The following FAM107B variants were observed in gnomAD, a reference collection of about 807,000 sequenced individuals.
The protein encoded by FAM107B is protein FAM107B.
FAM107B carries 21 observed loss-of-function variants against 31.5 expected under a neutral mutation model. The ratio of observed to expected loss-of-function variants is 0.67; its 90% CI spans 0.47 to 0.96. The LOEUF (loss-of-function observed/expected upper bound fraction) is 0.96, where lower values mean the gene tolerates loss of function less well. Ranked by LOEUF, FAM107B falls within the 40% of genes least tolerant of loss-of-function variation. The probability of loss-of-function intolerance (pLI) is 0.00; values close to 1 mark genes in which losing one functional copy is unlikely to be tolerated. For synonymous variants in FAM107B, 157 were observed against 141.5 expected, an observed-to-expected ratio of 1.11 and a Z score of -0.78; for missense variants, 452 against 377.1, an observed-to-expected ratio of 1.20 and a Z score of -1.64.
intron 2 of FAM107B, among the ~76,000 whole-genome samples, chr10:14,596,674 C>A (rs1260323901): frequency 6.6e-6 from 1 of 152,172 alleles, no homozygotes; most frequent in Non-Finnish European, 1.5e-5. Flanking sequence ...TATGACACCT[C>A]CCATTCCATG....
chr10:14,645,634 A>T (rs1853733514), intron 2 of FAM107B, among the ~76,000 whole-genome samples: 1 of 152,220 alleles, frequency 6.6e-6, no homozygotes, highest in African/African-American at 2.4e-5. Context: ...GGGCTTGGCT[A>T]CTGAGACGTA....
intron 2 of FAM107B, among the ~76,000 whole-genome samples, chr10:14,648,821 C>T (rs1286181770): frequency 2.0e-5 from 3 of 152,146 alleles, no homozygotes; most frequent in Non-Finnish European, 4.4e-5. Context: ...TTCTTCATTC[C>T]ATAAATATTT....
chr10:14,605,226 A>G (rs1019620528), intron 2 of FAM107B, among the ~76,000 whole-genome samples: 3 of 152,220 alleles, frequency 2.0e-5, no homozygotes, highest in African/African-American at 7.2e-5. Flanking sequence ...TAAATATGCA[A>G]GAAAGAAAGG....
chr10:14,771,681 T>C lies in FAM107B; in HGVS notation c.411+2572A>G, dbSNP rs185965473. ...GACATCAACATATAAATACATGGAA[T>C]TAATTTATTCATTTTTGTAGAGATG... On this transcript the variant is annotated intron_variant, in intron 1 of 4. Transcript: ENST00000181796. Among the ~76,000 whole-genome samples, 150 of 152,272 alleles carry C rather than the reference T, an allele frequency of 9.9e-4. No individual in the cohort carries two copies. The Middle Eastern group carries it at 0.01, about 10-fold the overall frequency.
At chr10:14,595,396 C>G (rs905113784) in intron 2 of FAM107B, among the ~76,000 whole-genome samples, 6 of 146,272 alleles carry the variant, frequency 4.1e-5, no homozygotes, top group Admixed American at 1.4e-4. Context: ...GATCCTAATT[C>G]TGGCTCAGCT....
rs201053856 is a variant in FAM107B, at chr10:14,774,329, A to C, written c.335T>G (p.Leu112Arg). Residue 112 changes from leucine (L) to arginine (R), a missense_variant, in exon 1 of 5, where the codon CTG (leucine) becomes CGG (arginine). Transcript: ENST00000181796. ...TGCTTCACAGTCCGCCCCATCATCC[A>C]GGGACCCGGGCACATCTTCAGGCGT... ...AETPEDVPGS[L>R]DDGADCEAVV... 1 of 1,614,206 alleles carries C rather than the reference A, an allele frequency of 6.2e-7. No homozygotes were observed. Among genetic ancestry groups the C allele is most frequent in the Non-Finnish European group, 8.5e-7 (1 of 1,180,040 alleles).
intron 2 of FAM107B, among the ~76,000 whole-genome samples, chr10:14,616,219 T>C (rs988920375): frequency 1.3e-5 from 2 of 152,192 alleles, no homozygotes; most frequent in African/African-American, 4.8e-5. Flanking sequence ...AAGGGCATGT[T>C]GCATGTTTGT....
intron 1 of FAM107B, among the ~76,000 whole-genome samples, chr10:14,683,357 G>A (rs12248918): frequency 0.23 from 35,181 of 152,140 alleles, 4,531 homozygotes; most frequent in East Asian, 0.5. Flanking sequence ...GTTCCACACC[G>A]TTAGGGAAGG....
chr10:14,774,780 T>C lies in FAM107B; in HGVS notation c.-117A>G. The C allele has an allele frequency of 8.4e-7, 1 of 1,184,522 alleles. No individual in the cohort carries two copies. The highest frequency in any genetic ancestry group is 1.5e-5 in the African/African-American group (1 of 65,294). The allele number at this position is 1,184,522 out of a possible 1,614,324, so 73.4% of individuals were successfully genotyped here. A position where few individuals can be genotyped will look rare whatever the true frequency, so the allele number is the denominator to read the frequency against. On this transcript the variant is annotated 5_prime_UTR_variant, in exon 1 of 5. Coordinates refer to ENST00000181796, the MANE Select transcript of FAM107B (RefSeq NM_031453.4). ...CAATTGCCCGAAGAGAAGAACTTGC[T>C]AGTGGTTGCCCCTAAATAGAAGTTG... is the stretch of plus-strand genomic sequence containing the variant.
At chr10:14,687,942 A>G (rs1281524128) in intron 1 of FAM107B, among the ~76,000 whole-genome samples, 11 of 152,202 alleles carry the variant, frequency 7.2e-5, no homozygotes, top group Admixed American at 7.2e-4. Flanking sequence ...TGAAGGATGC[A>G]AAGTATTGAT....
At chr10:14,646,188 G>GT (rs1312069272) in intron 2 of FAM107B, among the ~76,000 whole-genome samples, 4 of 152,098 alleles carry the variant, frequency 2.6e-5, no homozygotes, top group South Asian at 2.1e-4. Context: ...TTAAAAAAAT[G>GT]TTTTTTTTAT....
chr10:14,537,016 T>C (rs12359615), intron 2 of FAM107B, among the ~76,000 whole-genome samples: 40,182 of 151,888 alleles, frequency 0.26, 5,915 homozygotes, highest in Middle Eastern at 0.33. Flanking sequence ...GAGTGACAAC[T>C]AAGGAGGGCA....
intron 3 of FAM107B, among the ~76,000 whole-genome samples, chr10:14,526,402 CTG>C (rs1846235231): frequency 6.6e-6 from 1 of 152,228 alleles, no homozygotes; most frequent in Non-Finnish European, 1.5e-5. Flanking sequence ...TCTCAAACTC[CTG>C]ACCTCAGGTG....
intron 2 of FAM107B, among the ~76,000 whole-genome samples, chr10:14,610,268 G>A (rs532330831): frequency 1.7e-3 from 266 of 152,054 alleles, no homozygotes; most frequent in Non-Finnish European, 2.1e-3. Flanking sequence ...GCATCAACCC[G>A]GGAGGCAGAG....
chr10:14,613,174 G>A (rs908208256), intron 2 of FAM107B, among the ~76,000 whole-genome samples: 5 of 152,086 alleles, frequency 3.3e-5, no homozygotes, highest in African/African-American at 1.2e-4. Flanking sequence ...GTTTCACCAC[G>A]TTGGCCAGGC....
chr10:14,643,075 C>T, intron 2 of FAM107B, among the ~76,000 whole-genome samples: 1 of 151,852 alleles, frequency 6.6e-6, no homozygotes, highest in Non-Finnish European at 1.5e-5. Flanking sequence ...TATTAGGTTT[C>T]TCCAGAAGAA....
intron 1 of FAM107B, chr10:14,723,692 G>C: frequency 2.7e-6 from 2 of 753,688 alleles, no homozygotes; most frequent in Non-Finnish European, 4.9e-6. Flanking sequence ...GTAACCACAA[G>C]AAGTCATGGC....
At chr10:14,571,212 C>A (rs1178136700) in intron 2 of FAM107B, among the ~76,000 whole-genome samples, 1 of 152,136 alleles carries the variant, frequency 6.6e-6, no homozygotes, top group Non-Finnish European at 1.5e-5. Context: ...ATTCTCAGGA[C>A]TCCCCAAGGC....
At chr10:14,646,127 C>G (rs753391498) in intron 2 of FAM107B, among the ~76,000 whole-genome samples, 3 of 152,152 alleles carry the variant, frequency 2.0e-5, no homozygotes, top group Non-Finnish European at 4.4e-5. Flanking sequence ...TTTCTTTAGG[C>G]TGTGATCTTG....
Sources: allele counts gnomAD v4.1 joint callset (sites outside exome capture counted in the v4.1 genomes callset), GRCh38; gene constraint gnomAD v4.1.1; transcripts MANE v1.5; gene names NCBI Gene and HGNC (gene_info 2026-07-23, HGNC 2026-07-21).